Variants in AKAP6 observed in about 807,000 individuals in gnomAD.
AKAP6 encodes A-kinase anchoring protein 6.
AKAP6 carries 58 observed loss-of-function variants against 188.5 expected under a neutral mutation model. The ratio of observed to expected loss-of-function variants is 0.31; its 90% CI spans 0.25 to 0.38. The LOEUF (loss-of-function observed/expected upper bound fraction) is 0.38. Ranked by LOEUF, AKAP6 falls within the 10% of genes least tolerant of loss-of-function variation. AKAP6 has a pLI of 1.00. For missense variants in AKAP6, 2,710 were observed against 2,740.0 expected, an observed-to-expected ratio of 0.99 and a Z score of 0.24; for synonymous variants, 989 against 998.6, an observed-to-expected ratio of 0.99 and a Z score of 0.18.
intron 12 of AKAP6, among the ~76,000 whole-genome samples, chr14:32,776,409 T>A (rs141448572): frequency 5.3e-5 from 8 of 152,312 alleles, no homozygotes; most frequent in Non-Finnish European, 8.8e-5. Context: ...CCATGTAAGA[T>A]GTGCCTTTTG....
intron 11 of AKAP6, among the ~76,000 whole-genome samples, chr14:32,738,380 G>T (rs1484564012): frequency 6.6e-6 from 1 of 152,130 alleles, no homozygotes; most frequent in Non-Finnish European, 1.5e-5. Context: ...GTCCCAAAAC[G>T]AGTCGAGGAA....
chr14:32,482,500 A>G (rs200425198), intron 2 of AKAP6, among the ~76,000 whole-genome samples: 1 of 152,154 alleles, frequency 6.6e-6, no homozygotes, highest in African/African-American at 2.4e-5. Flanking sequence ...ACCACTCTAT[A>G]TAAAGCAGCA....
chr14:32,542,016 A>C (rs140176806), intron 3 of AKAP6, among the ~76,000 whole-genome samples: 70 of 152,346 alleles, frequency 4.6e-4, no homozygotes, highest in Non-Finnish European at 1.3e-4. Flanking sequence ...ACGTAATAAG[A>C]GTGAACATTC....
chr14:32,395,235 G>A (rs1200156660), intron 1 of AKAP6, among the ~76,000 whole-genome samples: 1 of 152,102 alleles, frequency 6.6e-6, no homozygotes, highest in African/African-American at 2.4e-5. Context: ...CAAGATTATA[G>A]TGATAACCTT....
chr14:32,383,953 T>G (rs926783605), intron 1 of AKAP6, among the ~76,000 whole-genome samples: 3 of 152,210 alleles, frequency 2.0e-5, no homozygotes, highest in African/African-American at 7.2e-5. Context: ...CTTAAAGTTC[T>G]GATGAACACT....
At chr14:32,756,541 A>T (rs1448327083) in intron 11 of AKAP6, among the ~76,000 whole-genome samples, 1 of 152,008 alleles carries the variant, frequency 6.6e-6, no homozygotes, top group East Asian at 1.9e-4. Context: ...AACCTCTATC[A>T]TTGGCTTCAG....
chr14:32,631,410 T>C (rs569062579), intron 7 of AKAP6, among the ~76,000 whole-genome samples: 42 of 152,184 alleles, frequency 2.8e-4, no homozygotes, highest in African/African-American at 9.6e-4. Context: ...GATTTCATGA[T>C]TGAATAGTTT....
chr14:32,543,263 T>G (rs2139144056), intron 3 of AKAP6, among the ~76,000 whole-genome samples: 1 of 152,334 alleles, frequency 6.6e-6, no homozygotes, highest in South Asian at 2.1e-4. Context: ...GTTCAACTTT[T>G]TTAGCTTCCA....
At chr14:32,636,756 T>C (rs1327549906) in intron 7 of AKAP6, among the ~76,000 whole-genome samples, 6 of 152,020 alleles carry the variant, frequency 3.9e-5, no homozygotes, top group Admixed American at 6.6e-5. Flanking sequence ...CACTGGGCTG[T>C]AGGAGTAGGA....
At position 32,540,270 on chromosome 14, in the gene AKAP6, C is replaced by T. The variant is rs1304423850; in HGVS notation, c.576+4465C>T. 2.7e-5 allele frequency among the ~76,000 whole-genome samples: 4 copies of T among 150,280 alleles called. No homozygotes were observed. In the East Asian group the frequency reaches 7.8e-4, roughly 29 times the overall value. The stretch of plus-strand genomic sequence containing the variant: ...CTGGAGTGCAGTGGCACGATCTTGG[C>T]TCACTGCAACTTCTGCCTCCCGGGT... On this transcript the variant is annotated intron_variant, in intron 3 of 13. Coordinates refer to ENST00000280979, the MANE Select transcript of AKAP6 (RefSeq NM_004274.5).
At position 32,621,553 on chromosome 14, in the gene AKAP6, T is replaced by C. The variant is rs560588095; in HGVS notation, c.2730+20761T>C. ...CTGATAAGTTACAGAAGATAGTATT[T>C]TGATTTTTTAAAAATTGAGGCTTGT... is the stretch of plus-strand genomic sequence containing the variant. On this transcript the variant is annotated intron_variant, in intron 7 of 13. Coordinates refer to ENST00000280979, the MANE Select transcript of AKAP6 (RefSeq NM_004274.5). Among the ~76,000 whole-genome samples the C allele has an allele frequency of 3.3e-4, 50 of 152,270 alleles. No homozygotes were observed. In the South Asian group the frequency reaches 5.2e-3, roughly 16 times the overall value.
chr14:32,696,905 G>C (rs1890427699), intron 9 of AKAP6, among the ~76,000 whole-genome samples: 1 of 152,050 alleles, frequency 6.6e-6, no homozygotes, highest in African/African-American at 2.4e-5. Flanking sequence ...TCCTCATTTA[G>C]GCAATTTTTA....
At chr14:32,405,096 C>G (rs183474949) in intron 1 of AKAP6, among the ~76,000 whole-genome samples, 5 of 152,012 alleles carry the variant, frequency 3.3e-5, no homozygotes, top group African/African-American at 1.2e-4. Context: ...TCACTCTTCT[C>G]TTTTCCTAAT....
intron 8 of AKAP6, among the ~76,000 whole-genome samples, chr14:32,684,891 G>T (rs552845887): frequency 4.6e-5 from 7 of 152,250 alleles, no homozygotes; most frequent in African/African-American, 1.4e-4. Context: ...CAATGAAAAA[G>T]ATACGTAAGA....
chr14:32,604,540 C>T (rs1049162813), intron 7 of AKAP6, among the ~76,000 whole-genome samples: 1 of 152,172 alleles, frequency 6.6e-6, no homozygotes, highest in East Asian at 1.9e-4. Context: ...GCTTCTTTTA[C>T]TCCCTTGGGC....
intron 2 of AKAP6, among the ~76,000 whole-genome samples, chr14:32,509,616 A>T (rs181338326): frequency 2.0e-5 from 3 of 152,220 alleles, no homozygotes; most frequent in African/African-American, 7.2e-5. Context: ...TTGACCATAC[A>T]TTTGGAGTGG....
intron 1 of AKAP6, among the ~76,000 whole-genome samples, chr14:32,346,703 TTTCACCATGTTAGCCAGGATGG>T (rs765911849): frequency 6.6e-6 from 1 of 152,162 alleles, no homozygotes; most frequent in Non-Finnish European, 1.5e-5. Flanking sequence ...AGAGACGGGG[TTTCACCATGTTAGCCAGGATGG>T]TCTCGATCTC....
chr14:32,717,129 T>C (rs2030254517), intron 9 of AKAP6, among the ~76,000 whole-genome samples: 2 of 151,654 alleles, frequency 1.3e-5, no homozygotes, highest in Admixed American at 6.6e-5. Context: ...AGTTGCAGGA[T>C]TGATGGTGCC....
intron 2 of AKAP6, among the ~76,000 whole-genome samples, chr14:32,463,657 T>C (rs564926920): frequency 6.6e-5 from 10 of 152,224 alleles, no homozygotes; most frequent in African/African-American, 2.4e-4. Flanking sequence ...AGGAAAGATC[T>C]AAAATCAACA....
Sources: allele counts gnomAD v4.1 joint callset (sites outside exome capture counted in the v4.1 genomes callset), GRCh38; gene constraint gnomAD v4.1.1; transcripts MANE v1.5; gene names NCBI Gene and HGNC (gene_info 2026-07-23, HGNC 2026-07-21).